Variants in SIPA1L1 observed in about 807,000 individuals in gnomAD.
The protein encoded by SIPA1L1 is signal-induced proliferation-associated 1-like protein 1.
Under a neutral mutation model 162.7 loss-of-function variants are expected in SIPA1L1, and 26 were observed. The observed-to-expected ratio is 0.16, with a 90% CI of 0.12 to 0.22. The LOEUF is 0.22. Among genes scored for constraint, SIPA1L1 ranks in the 10% least tolerant of loss-of-function variants. The pLI, the probability that SIPA1L1 is intolerant of heterozygous loss-of-function variation, is 1.00. For missense variants in SIPA1L1, 1,874 were observed against 2,241.0 expected, an observed-to-expected ratio of 0.84 and a Z score of 3.31; for synonymous variants, 829 against 837.4, an observed-to-expected ratio of 0.99 and a Z score of 0.17.
At chr14:71,570,821 C>G (rs912758390) in intron 4 of SIPA1L1, among the ~76,000 whole-genome samples, 1 of 152,152 alleles carries the variant, frequency 6.6e-6, no homozygotes, top group African/African-American at 2.4e-5. Flanking sequence ...GAGTCTCGCT[C>G]TATCACCCAG....
intron 2 of SIPA1L1, among the ~76,000 whole-genome samples, chr14:71,433,724 A>G (rs1281567446): frequency 6.6e-6 from 1 of 152,124 alleles, no homozygotes; most frequent in Non-Finnish European, 1.5e-5. Context: ...ACATTCTTAC[A>G]TTGCAAAATA....
intron 7 of SIPA1L1, among the ~76,000 whole-genome samples, chr14:71,641,970 C>T (rs2041758375): frequency 6.6e-6 from 1 of 152,062 alleles, no homozygotes; most frequent in Non-Finnish European, 1.5e-5. Flanking sequence ...GGGGGTTTGT[C>T]AGAAGTTATT....
At chr14:71,532,356 T>C (rs2053527277) in intron 4 of SIPA1L1, among the ~76,000 whole-genome samples, 1 of 152,230 alleles carries the variant, frequency 6.6e-6, no homozygotes, top group South Asian at 2.1e-4. Context: ...AGTCTTCTTC[T>C]TTCTTATATA....
rs762530544 is a variant in SIPA1L1, at chr14:71,658,318, T to A, written c.1994-15T>A. 6.8e-6 allele frequency: 9 copies of A among 1,326,436 alleles called. No homozygotes were observed. The African/African-American group carries it at 7.3e-5, about 11-fold the overall frequency. The allele number at this position is 1,326,436 out of a possible 1,614,324, so 82.2% of individuals were successfully genotyped here. A position where few individuals can be genotyped will look rare whatever the true frequency, so the allele number is the denominator to read the frequency against. ...TGTTATAGTCATCTCATCATTATAT[T>A]TTTTTTAACTGTAGCTGACTCCACT... On this transcript the variant is annotated splice_polypyrimidine_tract_variant and intron_variant, in intron 8 of 23. Transcript: ENST00000381232.
intron 2 of SIPA1L1, among the ~76,000 whole-genome samples, chr14:71,375,718 T>C (rs974832362): frequency 6.6e-6 from 1 of 152,162 alleles, no homozygotes; most frequent in Admixed American, 6.5e-5. Context: ...TTTGTATTTG[T>C]CCTCAGTTAT....
intron 5 of SIPA1L1, among the ~76,000 whole-genome samples, chr14:71,597,677 C>T (rs971569447): frequency 1.3e-5 from 2 of 152,162 alleles, no homozygotes; most frequent in Admixed American, 1.3e-4. Context: ...TCCACTCTTG[C>T]ATGGAGCTGA....
intron 20 of SIPA1L1, among the ~76,000 whole-genome samples, chr14:71,731,535 C>T (rs747565911): frequency 2.6e-5 from 4 of 152,132 alleles, no homozygotes; most frequent in Non-Finnish European, 2.9e-5. Flanking sequence ...GTCAGTCTTC[C>T]GTGAATTCCA....
At chr14:71,575,961 G>T (rs1236794558) in intron 4 of SIPA1L1, among the ~76,000 whole-genome samples, 1 of 152,196 alleles carries the variant, frequency 6.6e-6, no homozygotes, top group Non-Finnish European at 1.5e-5. Context: ...AGATATGTGT[G>T]AAATAACCAT....
intron 5 of SIPA1L1, among the ~76,000 whole-genome samples, chr14:71,593,661 T>C (rs1043062634): frequency 6.6e-6 from 1 of 152,180 alleles, no homozygotes; most frequent in African/African-American, 2.4e-5. Flanking sequence ...TCATCTTGGT[T>C]TCTGTGGCCC....
intron 7 of SIPA1L1, among the ~76,000 whole-genome samples, chr14:71,632,262 C>G (rs925694583): frequency 2.6e-5 from 4 of 152,222 alleles, no homozygotes; most frequent in Admixed American, 6.5e-5. Context: ...CTGTGAGGTC[C>G]CTGGGTTTTC....
intron 3 of SIPA1L1, among the ~76,000 whole-genome samples, chr14:71,525,728 CTTT>C (rs765600682): frequency 6.6e-5 from 10 of 152,212 alleles, no homozygotes; most frequent in Non-Finnish European, 1.3e-4. Flanking sequence ...CTTCATCAGT[CTTT>C]TAAGAGCCTT....
intron 20 of SIPA1L1, 107 bp downstream of exon 20, chr14:71,730,408 C>G: frequency 7.8e-7 from 1 of 1,278,816 alleles, no homozygotes; most frequent in Non-Finnish European, 1.1e-6. Flanking sequence ...TATCCATGCT[C>G]AGATGGTCTC....
At chr14:71,704,554 G>T (rs574899304) in intron 15 of SIPA1L1, among the ~76,000 whole-genome samples, 1 of 152,190 alleles carries the variant, frequency 6.6e-6, no homozygotes, top group Non-Finnish European at 1.5e-5. Flanking sequence ...GTTAGGAAGG[G>T]TGTTTCAGAG....
intron 4 of SIPA1L1, among the ~76,000 whole-genome samples, chr14:71,544,206 C>G (rs1191320179): frequency 1.4e-5 from 2 of 143,154 alleles, no homozygotes; most frequent in Non-Finnish European, 1.6e-5. Context: ...TGCATGTATG[C>G]ACATGCATGT....
chr14:71,729,901 C>T (rs1194555480), intron 19 of SIPA1L1, among the ~76,000 whole-genome samples, 154 bp from the exon 20 acceptor site: 1 of 152,170 alleles, frequency 6.6e-6, no homozygotes, highest in Non-Finnish European at 1.5e-5. Context: ...TGGGTTAGCT[C>T]CTTGAGGTTG....
intron 2 of SIPA1L1, among the ~76,000 whole-genome samples, chr14:71,441,763 G>A (rs974713938): frequency 2.0e-5 from 3 of 152,132 alleles, no homozygotes; most frequent in African/African-American, 4.8e-5. Flanking sequence ...TCTTAGTTCC[G>A]TAGGTTTTAG....
intron 4 of SIPA1L1, among the ~76,000 whole-genome samples, chr14:71,541,104 G>A (rs558940372): frequency 5.1e-4 from 77 of 151,854 alleles, no homozygotes; most frequent in Non-Finnish European, 8.1e-4. Flanking sequence ...GTGACAGAGC[G>A]AAACTCCATC....
chr14:71,650,152 A>G (rs1032548822), intron 7 of SIPA1L1, 183 bp from the exon 8 acceptor site: 2 of 678,466 alleles, frequency 2.9e-6, no homozygotes, highest in East Asian at 2.5e-5. Context: ...TTCTCAGTTC[A>G]TGAAGTTCGT....
At chr14:71,499,355 A>G (rs965827914) in intron 2 of SIPA1L1, among the ~76,000 whole-genome samples, 2 of 152,156 alleles carry the variant, frequency 1.3e-5, no homozygotes, top group African/African-American at 2.4e-5. Context: ...AAATATGTAT[A>G]TATCTATACA....
Sources: allele counts gnomAD v4.1 joint callset (sites outside exome capture counted in the v4.1 genomes callset), GRCh38; gene constraint gnomAD v4.1.1; transcripts MANE v1.5; gene names NCBI Gene and HGNC (gene_info 2026-07-23, HGNC 2026-07-21).